The following WDTC1 variants were observed in gnomAD, a reference collection of about 807,000 sequenced individuals.
WDTC1 encodes WD and tetratricopeptide repeats 1, also known as WD and tetratricopeptide repeats protein 1.
A neutral mutation model predicts 76.0 loss-of-function variants in WDTC1; 12 were observed. The ratio of observed to expected loss-of-function variants is 0.16; its 90% CI spans 0.10 to 0.26. The LOEUF is 0.26. Among genes scored for constraint, WDTC1 ranks in the 10% least tolerant of loss-of-function variants. The probability of loss-of-function intolerance (pLI) is 1.00; values close to 1 mark genes in which losing one functional copy is unlikely to be tolerated. For missense variants in WDTC1, 511 were observed against 908.8 expected, an observed-to-expected ratio of 0.56 and a Z score of 5.63; for synonymous variants, 326 against 350.8, an observed-to-expected ratio of 0.93 and a Z score of 0.79.
intron 3 of WDTC1, among the ~76,000 whole-genome samples, chr1:27,272,922 A>G (rs1044443722): frequency 2.9e-4 from 44 of 152,098 alleles, no homozygotes; most frequent in African/African-American, 9.2e-4. Context: ...ATAAAAATAA[A>G]CTACATATAT....
Position 27,305,067 on chromosome 1 carries a change from C to T in WDTC1, c.1710C>T (p.Thr570=). The T allele has an allele frequency of 6.2e-7, 1 of 1,614,080 alleles. No homozygotes were observed. Among genetic ancestry groups the T allele is most frequent in the Non-Finnish European group, 8.5e-7 (1 of 1,179,998 alleles). ...GSFFIWEKET[T]NLVRVLQGDE... ...TCTTCATCTGGGAAAAGGAGACCAC[C>T]AACCTGGTCCGTGTGCTCCAAGGGG... Residue 570 remains threonine (T), a synonymous_variant, in exon 15 of 16, where the codon ACC becomes ACT. Coordinates refer to ENST00000319394, the MANE Select transcript of WDTC1 (RefSeq NM_001276252.2). This position sits in a 1 kb window ranked among gnomAD's most constrained non-coding sequence, Gnocchi z 4.6.
At chr1:27,302,911 CT>C (rs1189040740) in intron 13 of WDTC1, among the ~76,000 whole-genome samples, 1 of 152,128 alleles carries the variant, frequency 6.6e-6, no homozygotes, top group African/African-American at 2.4e-5. Flanking sequence ...ATTTGGGACC[CT>C]AATAACTTGT....
chr1:27,271,958 A>T (rs2012881101), intron 3 of WDTC1, among the ~76,000 whole-genome samples: 1 of 150,164 alleles, frequency 6.7e-6, no homozygotes, highest in African/African-American at 2.4e-5. Flanking sequence ...TTTTAAATAA[A>T]AAATAGGCTA....
upstream of WDTC1, chr1:27,234,484 C>G (rs941203791): frequency 6.3e-6 from 2 of 315,488 alleles, no homozygotes; most frequent in Non-Finnish European, 1.2e-5. Context: ...TGGGCGCCGC[C>G]GGCAGCAGAC....
intron 1 of WDTC1, among the ~76,000 whole-genome samples, chr1:27,255,865 G>A (rs555324643): frequency 1.3e-3 from 202 of 152,046 alleles, no homozygotes; most frequent in Middle Eastern, 6.8e-3. Context: ...CACCACACCC[G>A]GCCAAAACTT....
intron 6 of WDTC1, among the ~76,000 whole-genome samples, chr1:27,289,789 C>T (rs572115275): frequency 1.3e-5 from 2 of 152,002 alleles, no homozygotes; most frequent in South Asian, 2.1e-4. Context: ...TGGAGACCGG[C>T]CCGGCCAACA....
chr1:27,289,577 C>T (rs1227867594), intron 6 of WDTC1, among the ~76,000 whole-genome samples: 9 of 152,024 alleles, frequency 5.9e-5, no homozygotes, highest in African/African-American at 2.2e-4. Flanking sequence ...ACTTCCCAGA[C>T]GGGATGGCGG....
chr1:27,252,926 C>T (rs1308520799), intron 1 of WDTC1, among the ~76,000 whole-genome samples: 2 of 151,790 alleles, frequency 1.3e-5, no homozygotes, highest in Admixed American at 6.6e-5. Flanking sequence ...ATTTCCCTCA[C>T]TGTCATTTTT....
chr1:27,306,153 GC>G lies in WDTC1; in HGVS notation c.1837-29del. 6.2e-7 allele frequency: 1 copy of G among 1,612,990 alleles called. No homozygotes were observed. The highest frequency in any genetic ancestry group is 1.1e-5 in the South Asian group (1 of 91,044). On this transcript the variant is annotated intron_variant, in intron 15 of 15. Coordinates refer to ENST00000319394, the MANE Select transcript of WDTC1 (RefSeq NM_001276252.2). The surrounding 1 kb of genome is among the most constrained non-coding windows in gnomAD (Gnocchi z 5.0). The stretch of plus-strand genomic sequence containing the variant: ...TACCCTGGTGCCTCTCCCTCCCTGA[GC>G]CCCACGTGTGTCACCCCTTTCTCCA...
chr1:27,276,019 C>G (rs2013017504), intron 3 of WDTC1, among the ~76,000 whole-genome samples: 1 of 152,158 alleles, frequency 6.6e-6, no homozygotes, highest in Admixed American at 6.6e-5. Flanking sequence ...TAGCATAATG[C>G]TTTTAAGATT....
intron 3 of WDTC1, among the ~76,000 whole-genome samples, chr1:27,276,461 G>A (rs1004024313): frequency 5.3e-5 from 8 of 152,072 alleles, no homozygotes; most frequent in African/African-American, 1.7e-4. Context: ...TTGGGAGGCC[G>A]AAGCAGGCAG....
intron 1 of WDTC1, among the ~76,000 whole-genome samples, chr1:27,260,750 A>G (rs1400812714): frequency 2.0e-5 from 3 of 152,162 alleles, no homozygotes; most frequent in Non-Finnish European, 4.4e-5. Flanking sequence ...TGTTTGTTCC[A>G]ATGCTTGTTG....
At chr1:27,265,784 A>G (rs2012643409) in intron 3 of WDTC1, among the ~76,000 whole-genome samples, 1 of 151,974 alleles carries the variant, frequency 6.6e-6, no homozygotes, top group African/African-American at 2.4e-5. Context: ...CATCTCTACA[A>G]AAAAATACAA....
Position 27,303,943 on chromosome 1 carries a change from C to T in WDTC1, c.1643+148C>T. The T allele has an allele frequency of 9.1e-7, 1 of 1,098,110 alleles. No homozygotes were observed. The highest frequency in any genetic ancestry group is 1.3e-6 in the Non-Finnish European group (1 of 773,696). 68.0% of individuals were successfully genotyped at this position (1,098,110 alleles called of 1,614,324 possible). ...CAAATGGCTTCACCTTTGTCAGCCT[C>T]TAAAGTTTTTTAATCTATGAAATGA... On this transcript the variant is annotated intron_variant, in intron 14 of 15. Coordinates refer to ENST00000319394, the MANE Select transcript of WDTC1 (RefSeq NM_001276252.2). This position sits in a 1 kb window ranked among gnomAD's most constrained non-coding sequence, Gnocchi z 4.8.
intron 2 of WDTC1, among the ~76,000 whole-genome samples, chr1:27,261,465 T>G (rs1371614416): frequency 6.6e-6 from 1 of 152,204 alleles, no homozygotes; most frequent in Non-Finnish European, 1.5e-5. Flanking sequence ...GTTGTATATG[T>G]AAGAGATCCT....
chr1:27,269,822 G>A (rs2012809628), intron 3 of WDTC1, among the ~76,000 whole-genome samples: 1 of 151,856 alleles, frequency 6.6e-6, no homozygotes, highest in Non-Finnish European at 1.5e-5. Flanking sequence ...ATATTGGCCA[G>A]GCTGGTCTTG....
In WDTC1 at chr1:27,296,397, G is replaced by A. The variant is rs1035267496; in HGVS notation, c.945G>A (p.Ser315=). 1.5e-5 allele frequency: 25 copies of A among 1,613,838 alleles called. No individual in the cohort carries two copies. The highest frequency in any genetic ancestry group is 8.0e-5 in the African/African-American group (6 of 74,828). The part of the protein sequence containing the change: ...TFLLPRKCHS[S]GEVQNGKMST... ...TCTTGCCTAGAAAATGCCACTCCTCGGGGGGTAAGTTCTCCCTTAGGGTAT... is the reference window on the plus strand; with the variant it reads ...TCTTGCCTAGAAAATGCCACTCCTCAGGGGGTAAGTTCTCCCTTAGGGTAT... Residue 315 remains serine, a synonymous_variant, in exon 10 of 16, where the codon TCG becomes TCA. Transcript: ENST00000319394.
intron 9 of WDTC1, among the ~76,000 whole-genome samples, chr1:27,294,992 G>A (rs2013645747): frequency 6.6e-6 from 1 of 152,164 alleles, no homozygotes; most frequent in East Asian, 1.9e-4. Flanking sequence ...TTCCTCGTCT[G>A]CTATTTTCCT....
At chr1:27,269,620 G>GTTT (rs1458595103) in intron 3 of WDTC1, among the ~76,000 whole-genome samples, 15 of 19,426 alleles carry the variant, frequency 7.7e-4, no homozygotes, top group Non-Finnish European at 1.5e-3. Context: ...TTTTTTTTTC[G>GTTT]GTTTTTTTTT....
Sources: allele counts gnomAD v4.1 joint callset (sites outside exome capture counted in the v4.1 genomes callset), GRCh38; gene constraint gnomAD v4.1.1; non-coding constraint Gnocchi (gnomAD v3.1); transcripts MANE v1.5; gene names NCBI Gene and HGNC (gene_info 2026-07-23, HGNC 2026-07-21).